GOT1: variants seen among roughly 807,000 people sequenced by gnomAD.
GOT1 encodes the protein aspartate aminotransferase, cytoplasmic.
GOT1 carries 25 observed loss-of-function variants against 48.2 expected under a neutral mutation model. That is an observed-to-expected ratio of 0.52 (90% CI 0.38 to 0.72). The LOEUF is 0.72. Ranked by LOEUF, GOT1 falls within the 30% of genes least tolerant of loss-of-function variation. GOT1 has a pLI of 0.00. For missense variants in GOT1, 380 were observed against 520.1 expected, an observed-to-expected ratio of 0.73 and a Z score of 2.62; for synonymous variants, 188 against 193.8, an observed-to-expected ratio of 0.97 and a Z score of 0.25.
At chr10:99,408,507 A>G (rs970915172) in intron 2 of GOT1, among the ~76,000 whole-genome samples, 4 of 152,224 alleles carry the variant, frequency 2.6e-5, no homozygotes, top group African/African-American at 9.6e-5. Flanking sequence ...ACTTGAGCCC[A>G]GGAGTTTGAG....
chr10:99,420,951 G>A (rs535505505), intron 1 of GOT1, 146 bp from the exon 2 acceptor site: 6 of 670,264 alleles, frequency 9.0e-6, no homozygotes, highest in Admixed American at 3.0e-5. Flanking sequence ...TTCACTTACT[G>A]AGTACCTAAT....
intron 2 of GOT1, among the ~76,000 whole-genome samples, chr10:99,407,866 C>T (rs1253190868): frequency 6.6e-6 from 1 of 151,946 alleles, no homozygotes; most frequent in Non-Finnish European, 1.5e-5. Flanking sequence ...CATAGCTATA[C>T]ATGTGCCATG....
chr10:99,402,823 G>A, intron 7 of GOT1, 101 bp from the exon 8 acceptor site: 1 of 973,262 alleles, frequency 1.0e-6, no homozygotes, highest in South Asian at 1.5e-5. Context: ...AGCTGACAAT[G>A]GGATCATAAC....
chr10:99,397,619 C>G lies in GOT1; in HGVS notation c.1170G>C (p.Val390=). 6.2e-7 allele frequency: 1 copy of G among 1,614,004 alleles called. No individual in the cohort carries two copies. The highest frequency in any genetic ancestry group is 8.5e-7 in the Non-Finnish European group (1 of 1,179,900). Residue 390 remains valine (V), a synonymous_variant, in exon 9 of 9, where the codon GTG becomes GTC. Transcript: ENST00000370508. The surrounding 1 kb of genome is among the most constrained non-coding windows in gnomAD (Gnocchi z 5.4). ...IYLLPSGRIN[V]SGLTTKNLDY... is the part of the protein sequence containing the mutation. ...CTAGATTTTTGGTGGTTAAGCCACT[C>G]ACGTTGATTCGACCACTTGGCAGCA...
intron 2 of GOT1, 117 bp from the exon 3 acceptor site, chr10:99,406,966 G>T (rs910668758): frequency 1.1e-6 from 1 of 911,208 alleles, no homozygotes; most frequent in East Asian, 2.6e-5. Context: ...GCTTTTAATT[G>T]TATTATCTCA....
intron 2 of GOT1, among the ~76,000 whole-genome samples, chr10:99,416,994 A>G (rs1311096276): frequency 6.6e-6 from 1 of 152,236 alleles, no homozygotes; most frequent in Admixed American, 6.5e-5. Flanking sequence ...AAACCTAGGC[A>G]ATACTATTCA....
chr10:99,416,418 A>G (rs376377761), intron 2 of GOT1, among the ~76,000 whole-genome samples: 1 of 152,238 alleles, frequency 6.6e-6, no homozygotes, highest in African/African-American at 2.4e-5. Flanking sequence ...GAGAACTACA[A>G]ACCACTGCTC....
At chr10:99,399,574 C>T (rs535387351) in intron 8 of GOT1, among the ~76,000 whole-genome samples, 3 of 152,162 alleles carry the variant, frequency 2.0e-5, no homozygotes, top group African/African-American at 7.2e-5. Flanking sequence ...AGTTGACGAC[C>T]AGCCTGGGCA....
In GOT1 at chr10:99,396,950, G is replaced by A. The variant is rs1044490312; in HGVS notation, c.*597C>T. 3 of 152,466 alleles carry A rather than the reference G, an allele frequency of 2.0e-5. No homozygotes were observed. The highest frequency in any genetic ancestry group is 6.5e-5 in the Admixed American group (1 of 15,350). The allele number at this position is 152,466 out of a possible 1,614,324, so 9.4% of individuals were successfully genotyped here. A position where few individuals can be genotyped will look rare whatever the true frequency, so the allele number is the denominator to read the frequency against. ...GCTCAAAAATATCAGAATGCACTAC[G>A]CACATCACGAGTAAATACTGTTTGG... On this transcript the variant is annotated 3_prime_UTR_variant, in exon 9 of 9. Transcript: ENST00000370508.
At position 99,397,348 on chromosome 10, in the gene GOT1, G is replaced by T. The variant is rs1401866081; in HGVS notation, c.*199C>A. On this transcript the variant is annotated 3_prime_UTR_variant, in exon 9 of 9. Coordinates refer to ENST00000370508, the MANE Select transcript of GOT1 (RefSeq NM_002079.3). This position sits in a 1 kb window ranked among gnomAD's most constrained non-coding sequence, Gnocchi z 5.4. ...TCTTAATTTGCTTTGACCTCCAAAG[G>T]CTCTAATCCCAGTCTCCAAATTCGT... 3.2e-6 allele frequency: 2 copies of T among 626,620 alleles called. No homozygotes were observed. The highest frequency in any genetic ancestry group is 5.8e-6 in the Non-Finnish European group (2 of 345,974). The allele number at this position is 626,620 out of a possible 1,614,324, so 38.8% of individuals were successfully genotyped here.
chr10:99,429,350 C>CT (rs71488890), intron 1 of GOT1, among the ~76,000 whole-genome samples: 12,049 of 140,814 alleles, frequency 0.086, 1,057 homozygotes, highest in East Asian at 0.29. Context: ...GCCCGGCCGA[C>CT]TTTTTTTTTT....
Position 99,420,569 on chromosome 10 carries a change from A to G in GOT1, c.300+55T>C, listed in dbSNP as rs576616708. Reference sequence around the variant, plus strand: ...ATATTTTAAACAAACTGTATTCTCAACATCTTTTTACTTTCAGTTTCTAAA... The same window carrying G: ...ATATTTTAAACAAACTGTATTCTCAGCATCTTTTTACTTTCAGTTTCTAAA... On this transcript the variant is annotated intron_variant, in intron 2 of 8. Transcript: ENST00000370508. 2.3e-6 allele frequency: 3 copies of G among 1,311,088 alleles called. No homozygotes were observed. The South Asian group carries it at 4.0e-5, about 17-fold the overall frequency. 81.2% of individuals were successfully genotyped at this position (1,311,088 alleles called of 1,614,324 possible).
chr10:99,406,688 G>T, intron 3 of GOT1, 38 bp downstream of exon 3: 1 of 1,600,430 alleles, frequency 6.2e-7, no homozygotes, highest in Non-Finnish European at 8.6e-7. Flanking sequence ...ATTCTCTCTG[G>T]TTTCTGTTTT....
chr10:99,430,526 G>A lies in GOT1; in HGVS notation c.40C>T (p.Gln14Ter), dbSNP rs750467322. Residue 14 changes from glutamine (Q) to a stop codon, truncating the protein, a stop_gained, in exon 1 of 9, where the codon CAG becomes TAG. Transcript: ENST00000370508. LOFTEE classifies it high-confidence loss of function. ...PSVFAEVPQA[Q>*]PVLVFKLTAD... ...GTGAGCTTGAAGACCAGGACAGGCT[G>A]GGCCTGCGGAACCTCGGCAAAGACT... 1 of 1,609,514 alleles carries A rather than the reference G, an allele frequency of 6.2e-7. No homozygotes were observed. The highest frequency in any genetic ancestry group is 8.5e-7 in the Non-Finnish European group (1 of 1,177,366).
At chr10:99,399,503 G>A (rs537004049) in intron 8 of GOT1, among the ~76,000 whole-genome samples, 1 of 152,336 alleles carries the variant, frequency 6.6e-6, no homozygotes, top group East Asian at 1.9e-4. Context: ...AGGCACAGTG[G>A]CTCATGCCTG....
chr10:99,408,831 T>C (rs2032794008), intron 2 of GOT1, among the ~76,000 whole-genome samples: 1 of 152,240 alleles, frequency 6.6e-6, no homozygotes, highest in African/African-American at 2.4e-5. Flanking sequence ...GACTTTGGCC[T>C]AATCTATAAG....
In GOT1 at chr10:99,397,488, A is replaced by C; in HGVS notation, c.*59T>G. Reference sequence around the variant, plus strand: ...ATGGTATGTACATGTAGGTTTGTGCAGGCAGGGAACACACATGACAGAGAA... The same window carrying C: ...ATGGTATGTACATGTAGGTTTGTGCCGGCAGGGAACACACATGACAGAGAA... On this transcript the variant is annotated 3_prime_UTR_variant, in exon 9 of 9. Coordinates refer to ENST00000370508, the MANE Select transcript of GOT1 (RefSeq NM_002079.3). The surrounding 1 kb of genome is among the most constrained non-coding windows in gnomAD (Gnocchi z 5.4). 1.9e-6 allele frequency: 3 copies of C among 1,558,548 alleles called. No homozygotes were observed. The highest frequency in any genetic ancestry group is 2.7e-6 in the Non-Finnish European group (3 of 1,131,502).
rs1589942043 is a variant in GOT1, at chr10:99,418,693, G to A, written c.300+1931C>T. 2.0e-5 allele frequency among the ~76,000 whole-genome samples: 3 copies of A among 151,870 alleles called. No individual in the cohort carries two copies. The East Asian group carries it at 5.8e-4, about 29-fold the overall frequency. On this transcript the variant is annotated intron_variant, in intron 2 of 8. Coordinates refer to ENST00000370508, the MANE Select transcript of GOT1 (RefSeq NM_002079.3). ...ATTTTTGTATTTCCTTGTAGAAACG[G>A]GTTTTTGCCATGTTACCCAGGCTGG...
At chr10:99,414,204 T>C (rs2032864596) in intron 2 of GOT1, among the ~76,000 whole-genome samples, 1 of 152,152 alleles carries the variant, frequency 6.6e-6, no homozygotes, top group African/African-American at 2.4e-5. Flanking sequence ...CCATCTCACG[T>C]GCAGAGACAT....
Sources: allele counts gnomAD v4.1 joint callset (sites outside exome capture counted in the v4.1 genomes callset), GRCh38; gene constraint gnomAD v4.1.1; non-coding constraint Gnocchi (gnomAD v3.1); transcripts MANE v1.5; gene names NCBI Gene and HGNC (gene_info 2026-07-23, HGNC 2026-07-21).